Variants in SHISA9 observed in about 807,000 individuals in gnomAD.
SHISA9 encodes the protein protein shisa-9.
A neutral mutation model predicts 38.0 loss-of-function variants in SHISA9; 13 were observed. The observed-to-expected ratio is 0.34, with a 90% CI of 0.22 to 0.54. SHISA9 has a LOEUF of 0.54. SHISA9 is among the 20% of genes least tolerant of loss of function. The probability of loss-of-function intolerance (pLI) is 0.91; values close to 1 mark genes in which losing one functional copy is unlikely to be tolerated. For missense variants in SHISA9, 538 were observed against 575.8 expected, an observed-to-expected ratio of 0.93 and a Z score of 0.67; for synonymous variants, 275 against 242.0, an observed-to-expected ratio of 1.14 and a Z score of -1.27.
At chr16:13,528,476 C>T in the SHISA9 span, among the ~76,000 whole-genome samples, 1 of 151,546 alleles carries the variant, frequency 6.6e-6, no homozygotes, top group African/African-American at 2.4e-5. Flanking sequence ...TATTCTAAAA[C>T]AAAAATTGTT....
intron 2 of SHISA9, among the ~76,000 whole-genome samples, chr16:13,170,202 C>CAAAAAAAAAA (rs71147788): frequency 1.1e-5 from 1 of 91,980 alleles, no homozygotes; most frequent in East Asian, 3.1e-4. Context: ...GACTCCATCT[C>CAAAAAAAAAA]AAAAAAAAAA....
the SHISA9 span, among the ~76,000 whole-genome samples, chr16:13,346,244 T>C: frequency 1.3e-5 from 2 of 152,202 alleles, no homozygotes; most frequent in Non-Finnish European, 2.9e-5. Flanking sequence ...GTTATTTCAC[T>C]GAAGATAACG....
At chr16:12,932,929 G>A (rs1270016591) in intron 2 of SHISA9, among the ~76,000 whole-genome samples, 1 of 152,086 alleles carries the variant, frequency 6.6e-6, no homozygotes, top group Non-Finnish European at 1.5e-5. Flanking sequence ...TGGTGCTCGT[G>A]TGCCATCTAT....
At chr16:13,373,652 C>T in the SHISA9 span, among the ~76,000 whole-genome samples, 1 of 151,680 alleles carries the variant, frequency 6.6e-6, no homozygotes, top group Non-Finnish European at 1.5e-5. Flanking sequence ...GTCCTAGCTA[C>T]TCAGGAGACT....
chr16:13,316,710 G>A, the SHISA9 span, among the ~76,000 whole-genome samples: 1 of 152,176 alleles, frequency 6.6e-6, no homozygotes, highest in African/African-American at 2.4e-5. Context: ...ATGATAAAAT[G>A]TGGTAAACAT....
At chr16:12,902,871 T>TGA (rs1263831463) in intron 1 of SHISA9, 1 of 476,942 alleles carries the variant, frequency 2.1e-6, no homozygotes, top group South Asian at 3.5e-5. Context: ...TGTGTGTGAC[T>TGA]CTGCTCCCTC....
chr16:13,286,700 A>G, the SHISA9 span, among the ~76,000 whole-genome samples: 2 of 152,220 alleles, frequency 1.3e-5, no homozygotes, highest in Non-Finnish European at 1.5e-5. Context: ...TCTCATTTGC[A>G]GATCAAAAGT....
chr16:13,011,090 C>G (rs1361099554), intron 2 of SHISA9, among the ~76,000 whole-genome samples: 1 of 152,188 alleles, frequency 6.6e-6, no homozygotes, highest in Non-Finnish European at 1.5e-5. Flanking sequence ...ACCAGAGAGA[C>G]TAAGAGCCTG....
the SHISA9 span, among the ~76,000 whole-genome samples, chr16:13,437,646 A>G: frequency 6.6e-6 from 1 of 152,056 alleles, no homozygotes; most frequent in Non-Finnish European, 1.5e-5. Context: ...ATAGCTTGCA[A>G]TTCCCTCTGC....
chr16:13,343,597 A>C, the SHISA9 span, among the ~76,000 whole-genome samples: 1 of 152,130 alleles, frequency 6.6e-6, no homozygotes, highest in African/African-American at 2.4e-5. Flanking sequence ...AATAATCATC[A>C]ACTGCTTTAC....
At chr16:12,930,175 G>A (rs1567342860) in intron 2 of SHISA9, among the ~76,000 whole-genome samples, 1 of 152,170 alleles carries the variant, frequency 6.6e-6, no homozygotes, top group Non-Finnish European at 1.5e-5. Flanking sequence ...CTAGAACTGT[G>A]CCTGGCACAC....
intron 2 of SHISA9, among the ~76,000 whole-genome samples, chr16:13,148,436 A>C (rs966512317): frequency 2.0e-5 from 3 of 152,026 alleles, no homozygotes; most frequent in African/African-American, 7.2e-5. Context: ...TATAGCACAT[A>C]ACTGCATCAA....
intron 2 of SHISA9, among the ~76,000 whole-genome samples, chr16:13,048,381 T>A (rs1277451333): frequency 6.6e-6 from 1 of 152,200 alleles, no homozygotes. Context: ...ACTGTGCAAT[T>A]TCTAGTAAGC....
At chr16:13,228,414 G>C (rs1187953230) in intron 4 of SHISA9, among the ~76,000 whole-genome samples, 1 of 152,154 alleles carries the variant, frequency 6.6e-6, no homozygotes, top group African/African-American at 2.4e-5. Context: ...ACTTTCTGAG[G>C]GGACATCATG....
intron 2 of SHISA9, among the ~76,000 whole-genome samples, chr16:13,006,161 G>A (rs761472903): frequency 3.3e-5 from 5 of 152,172 alleles, no homozygotes; most frequent in Non-Finnish European, 5.9e-5. Context: ...ACATGTGAGC[G>A]TTTGCATGAT....
At chr16:13,512,823 T>G in the SHISA9 span, among the ~76,000 whole-genome samples, 62,439 of 152,062 alleles carry the variant, frequency 0.41, 12,938 homozygotes, top group East Asian at 0.54. Flanking sequence ...AAATTGAAAC[T>G]GGACCCCATC....
intron 2 of SHISA9, among the ~76,000 whole-genome samples, chr16:13,001,596 C>A (rs1450223157): frequency 6.6e-6 from 1 of 152,190 alleles, no homozygotes; most frequent in African/African-American, 2.4e-5. Context: ...GCAAAAAAGC[C>A]TTCTGGGCTG....
intron 2 of SHISA9, among the ~76,000 whole-genome samples, chr16:13,028,965 G>A (rs2072958403): frequency 6.6e-6 from 1 of 152,180 alleles, no homozygotes; most frequent in Non-Finnish European, 1.5e-5. Context: ...ATTACTAGAA[G>A]ACTGAGGAAT....
intron 2 of SHISA9, among the ~76,000 whole-genome samples, chr16:13,059,121 C>CTT (rs3075088): frequency 5.8e-3 from 436 of 74,854 alleles, no homozygotes; most frequent in Non-Finnish European, 7.6e-3. Flanking sequence ...AAAACTCTAT[C>CTT]TTTTTTTTTT....
Sources: allele counts gnomAD v4.1 joint callset (sites outside exome capture counted in the v4.1 genomes callset), GRCh38; gene constraint gnomAD v4.1.1; transcripts MANE v1.5; gene names NCBI Gene and HGNC (gene_info 2026-07-23, HGNC 2026-07-21).